SYCP2L: variants seen among roughly 807,000 people sequenced by gnomAD.
SYCP2L encodes the protein synaptonemal complex protein 2 like.
In SYCP2L, 98 loss-of-function variants were observed where a neutral mutation model predicts 125.8. That is an observed-to-expected ratio of 0.78 (90% CI 0.66 to 0.92). The LOEUF (loss-of-function observed/expected upper bound fraction) is 0.92. Ranked by LOEUF, SYCP2L falls within the 40% of genes least tolerant of loss-of-function variation. The probability of loss-of-function intolerance (pLI) is 0.00; values close to 1 mark genes in which losing one functional copy is unlikely to be tolerated. For synonymous variants in SYCP2L, 317 were observed against 325.4 expected (o/e 0.97, Z 0.28); for missense variants, 842 against 936.4 (o/e 0.90, Z 1.32).
At chr6:10,890,951 A>C (rs940842136) in intron 1 of SYCP2L, among the ~76,000 whole-genome samples, 2 of 152,142 alleles carry the variant, frequency 1.3e-5, no homozygotes, top group African/African-American at 4.8e-5. Flanking sequence ...TTCCCCATGA[A>C]TGTTCTTGAC....
intron 1 of SYCP2L, among the ~76,000 whole-genome samples, chr6:10,887,806 G>A (rs1184873027): frequency 2.6e-5 from 4 of 152,208 alleles, no homozygotes; most frequent in African/African-American, 9.6e-5. Flanking sequence ...ACTCACTCTT[G>A]TTCTCCATAA....
intron 2 of SYCP2L, 80 bp from the exon 3 acceptor site, chr6:10,893,787 G>A: frequency 7.0e-7 from 1 of 1,430,922 alleles, no homozygotes; most frequent in Middle Eastern, 2.5e-4. Flanking sequence ...AATTCTTATT[G>A]ATAATGAGAT....
chr6:10,901,016 C>T (rs1263355822), intron 6 of SYCP2L, among the ~76,000 whole-genome samples: 1 of 152,228 alleles, frequency 6.6e-6, no homozygotes, highest in Non-Finnish European at 1.5e-5. Flanking sequence ...GCAATTGACA[C>T]AATTAATCAC....
At chr6:10,907,407 C>A in intron 9 of SYCP2L, 135 bp from the exon 10 acceptor site, 1 of 659,158 alleles carries the variant, frequency 1.5e-6, no homozygotes, top group South Asian at 3.0e-5. Context: ...ATGCATTTTG[C>A]TGTGGTAACT....
At chr6:10,969,889 A>G (rs1386124709) in intron 29 of SYCP2L, among the ~76,000 whole-genome samples, 2 of 152,186 alleles carry the variant, frequency 1.3e-5, no homozygotes, top group Admixed American at 1.3e-4. Flanking sequence ...CATATATAAC[A>G]TGATCCCACC....
At chr6:10,939,516 A>G (rs1000209053) in intron 21 of SYCP2L, among the ~76,000 whole-genome samples, 1 of 152,258 alleles carries the variant, frequency 6.6e-6, no homozygotes, top group Non-Finnish European at 1.5e-5. Flanking sequence ...TAGTACTGCC[A>G]TAGAGACAGG....
chr6:10,943,992 A>G (rs563182845), intron 23 of SYCP2L, among the ~76,000 whole-genome samples: 2 of 152,204 alleles, frequency 1.3e-5, no homozygotes, highest in Non-Finnish European at 2.9e-5. Context: ...GGTTGTTAGA[A>G]ATAATGCCAC....
rs1780222200 is a variant in SYCP2L at position 10,894,261 on chromosome 6, AT to A, written c.336+60del. 1.9e-6 allele frequency: 3 copies of A among 1,571,802 alleles called. No homozygotes were observed. The African/African-American group carries it at 4.1e-5, about 22-fold the overall frequency. On this transcript the variant is annotated intron_variant, in intron 4 of 29. Coordinates refer to ENST00000283141, the MANE Select transcript of SYCP2L (RefSeq NM_001040274.3). ...TGGGTAACTTAGAGAACTTAGGTGG[AT>A]TTAGTTGTCTAGTTAAGTTTGGTAT... is the stretch of plus-strand genomic sequence containing the variant.
chr6:10,914,125 G>A (rs1780650712), intron 14 of SYCP2L, among the ~76,000 whole-genome samples: 1 of 152,096 alleles, frequency 6.6e-6, no homozygotes, highest in Non-Finnish European at 1.5e-5. Context: ...GAGCCACCGT[G>A]CCCATTCTTC....
At chr6:10,914,445 C>T (rs1395702283) in intron 14 of SYCP2L, among the ~76,000 whole-genome samples, 1 of 152,090 alleles carries the variant, frequency 6.6e-6, no homozygotes, top group Non-Finnish European at 1.5e-5. Context: ...TTTGATGCCT[C>T]CAGATTTGTT....
chr6:10,956,055 C>T, intron 24 of SYCP2L, 81 bp from the exon 25 acceptor site: 2 of 1,164,398 alleles, frequency 1.7e-6, no homozygotes, highest in East Asian at 2.5e-5. Flanking sequence ...AATAACTCAT[C>T]CTCTGGGCAA....
chr6:10,941,097 G>T (rs147635092), intron 21 of SYCP2L, among the ~76,000 whole-genome samples: 4 of 152,106 alleles, frequency 2.6e-5, no homozygotes, highest in African/African-American at 7.2e-5. Flanking sequence ...TCGTCTAGCC[G>T]TATGTAGAAA....
At chr6:10,930,831 A>G (rs1320082176) in intron 19 of SYCP2L, among the ~76,000 whole-genome samples, 1 of 152,188 alleles carries the variant, frequency 6.6e-6, no homozygotes, top group Non-Finnish European at 1.5e-5. Flanking sequence ...TAACCTTTGG[A>G]AAAAAGAATA....
intron 29 of SYCP2L, among the ~76,000 whole-genome samples, chr6:10,971,167 A>G (rs1157704022): frequency 6.6e-6 from 1 of 152,126 alleles, no homozygotes; most frequent in Non-Finnish European, 1.5e-5. Flanking sequence ...TGCTTTTACA[A>G]CTTACTGAAA....
At chr6:10,888,658 G>A (rs1476813637) in intron 1 of SYCP2L, among the ~76,000 whole-genome samples, 2 of 152,120 alleles carry the variant, frequency 1.3e-5, no homozygotes, top group Non-Finnish European at 2.9e-5. Context: ...AATAAGCAGA[G>A]CATCTCTGCA....
At chr6:10,921,102 G>C (rs913570963) in intron 14 of SYCP2L, among the ~76,000 whole-genome samples, 25 of 152,128 alleles carry the variant, frequency 1.6e-4, no homozygotes, top group African/African-American at 5.8e-4. Flanking sequence ...TCATCATTCA[G>C]CTCCCACTTA....
At position 10,961,252 on chromosome 6, in the gene SYCP2L, T is replaced by C. The variant is rs374630619; in HGVS notation, c.2256-53T>C. Reference sequence around the variant, plus strand: ...AATCAGATGACTTATTAAGAAAGTCTGCTGTCACATCCAAGCGATCCCAAT... The same window carrying C: ...AATCAGATGACTTATTAAGAAAGTCCGCTGTCACATCCAAGCGATCCCAAT... On this transcript the variant is annotated intron_variant, in intron 26 of 29. Transcript: ENST00000283141. 1.4e-5 allele frequency: 19 copies of C among 1,400,952 alleles called. No individual in the cohort carries two copies. The East Asian group carries it at 4.1e-4, about 30-fold the overall frequency. 86.8% of individuals were successfully genotyped at this position (1,400,952 alleles called of 1,614,324 possible).
At chr6:10,889,632 T>C (rs1487963129) in intron 1 of SYCP2L, among the ~76,000 whole-genome samples, 1 of 149,968 alleles carries the variant, frequency 6.7e-6, no homozygotes, top group East Asian at 1.9e-4. Flanking sequence ...TTTTTTTTTT[T>C]TTTTTGAGAT....
chr6:10,957,777 G>A (rs11751759), intron 25 of SYCP2L, among the ~76,000 whole-genome samples: 5,124 of 152,258 alleles, frequency 0.034, 133 homozygotes, highest in Non-Finnish European at 0.052. Context: ...TGATCATGCC[G>A]CTGTGCTCCA....
Sources: allele counts gnomAD v4.1 joint callset (sites outside exome capture counted in the v4.1 genomes callset), GRCh38; gene constraint gnomAD v4.1.1; transcripts MANE v1.5; gene names NCBI Gene and HGNC (gene_info 2026-07-23, HGNC 2026-07-21).